SUMF1: variants seen among roughly 807,000 people sequenced by gnomAD.
SUMF1 encodes the protein sulfatase modifying factor 1, also known as formylglycine-generating enzyme.
In SUMF1, 48 loss-of-function variants were observed where a neutral mutation model predicts 47.6. That is an observed-to-expected ratio of 1.01 (90% CI 0.80 to 1.28). The LOEUF is 1.28. Ranked by LOEUF, SUMF1 falls within the 50% of genes most tolerant of loss-of-function variation. SUMF1 has a pLI of 0.00. For synonymous variants in SUMF1, 230 were observed against 192.1 expected, an observed-to-expected ratio of 1.20 and a Z score of -1.63; for missense variants, 571 against 485.4, an observed-to-expected ratio of 1.18 and a Z score of -1.66.
intron 8 of SUMF1, among the ~76,000 whole-genome samples, chr3:4,091,351 C>T (rs919030190): frequency 5.9e-5 from 9 of 152,158 alleles, no homozygotes; most frequent in Middle Eastern, 3.4e-3. Context: ...ATGATAGTGG[C>T]TCCATAAATA....
chr3:4,212,530 A>G (rs1695822522), intron 8 of SUMF1, among the ~76,000 whole-genome samples: 1 of 152,216 alleles, frequency 6.6e-6, no homozygotes, highest in Non-Finnish European at 1.5e-5. Flanking sequence ...CTACTCGCCA[A>G]CAAGGGAGCA....
chr3:4,034,983 C>T lies in SUMF1; in HGVS notation c.1191+33586G>A, dbSNP rs1694767376. Among the ~76,000 whole-genome samples, 3 of 151,678 alleles carry T rather than the reference C, an allele frequency of 2.0e-5. No individual in the cohort carries two copies. In the South Asian group the frequency reaches 6.3e-4, roughly 32 times the overall value. On this transcript the variant is annotated intron_variant and NMD_transcript_variant, in intron 9 of 12. Coordinates refer to the SUMF1 transcript ENST00000448413. ...AGGTCCAGACCAAGGTCAGCAAAGG[C>T]ACAAAAGCATGTCCAGGCCTATGCT...
At chr3:4,253,570 G>C (rs1417376911) in intron 8 of SUMF1, among the ~76,000 whole-genome samples, 1 of 146,904 alleles carries the variant, frequency 6.8e-6, no homozygotes, top group Non-Finnish European at 1.5e-5. Context: ...AAAAAACGGC[G>C]CACCATGAGA....
intron 8 of SUMF1, among the ~76,000 whole-genome samples, chr3:4,150,739 T>C (rs556238466): frequency 1.8e-4 from 27 of 151,680 alleles, no homozygotes; most frequent in Non-Finnish European, 3.1e-4. Context: ...TATGAAAAGA[T>C]GCACTGGGAA....
intron 8 of SUMF1, among the ~76,000 whole-genome samples, chr3:4,226,662 G>C (rs1696182149): frequency 6.6e-6 from 1 of 151,950 alleles, no homozygotes; most frequent in African/African-American, 2.4e-5. Flanking sequence ...TATTTTATAT[G>C]GAATTGGATG....
At chr3:4,121,572 T>C (rs1464630039) in intron 8 of SUMF1, among the ~76,000 whole-genome samples, 1 of 152,150 alleles carries the variant, frequency 6.6e-6, no homozygotes, top group Non-Finnish European at 1.5e-5. Context: ...TAGACATAAT[T>C]TGAAAAGTAA....
intron 7 of SUMF1, among the ~76,000 whole-genome samples, chr3:4,377,964 C>A (rs1358143184): frequency 1.3e-5 from 2 of 152,198 alleles, no homozygotes; most frequent in Non-Finnish European, 2.9e-5. Context: ...AAAAGAATCA[C>A]GTTTTCTCCA....
chr3:4,234,751 T>C (rs1696372780), intron 8 of SUMF1, among the ~76,000 whole-genome samples: 1 of 152,058 alleles, frequency 6.6e-6, no homozygotes, highest in Non-Finnish European at 1.5e-5. Flanking sequence ...GAGAATGGGC[T>C]ACCAGTTAAA....
At chr3:4,370,375 A>T (rs1272199035) in intron 8 of SUMF1, among the ~76,000 whole-genome samples, 1 of 152,232 alleles carries the variant, frequency 6.6e-6, no homozygotes, top group Non-Finnish European at 1.5e-5. Context: ...CAGCATCTGA[A>T]TGTGGATATA....
At chr3:4,145,170 G>C (rs1424990179) in intron 8 of SUMF1, among the ~76,000 whole-genome samples, 2 of 136,940 alleles carry the variant, frequency 1.5e-5, no homozygotes, top group Non-Finnish European at 3.0e-5. Context: ...TCTAGCCTGG[G>C]CAACAGAGTG....
chr3:4,338,460 G>T (rs17040389), intron 8 of SUMF1, among the ~76,000 whole-genome samples: 28,660 of 152,036 alleles, frequency 0.19, 2,868 homozygotes, highest in African/African-American at 0.25. Context: ...AGTTCTGGTT[G>T]AACCACCTTG....
chr3:4,238,878 GGT>G (rs1696473542), intron 8 of SUMF1, among the ~76,000 whole-genome samples: 1 of 152,160 alleles, frequency 6.6e-6, no homozygotes, highest in African/African-American at 2.4e-5. Context: ...GTATTGCCCA[GGT>G]TTTCTTCCAG....
chr3:4,346,166 G>C (rs1486952222), intron 8 of SUMF1, among the ~76,000 whole-genome samples: 2 of 152,112 alleles, frequency 1.3e-5, no homozygotes, highest in Admixed American at 6.6e-5. Context: ...CGCAGCTCTG[G>C]ATCAAGTGGA....
At chr3:4,389,019 C>T (rs931327324) in intron 7 of SUMF1, among the ~76,000 whole-genome samples, 3 of 152,120 alleles carry the variant, frequency 2.0e-5, no homozygotes, top group Non-Finnish European at 4.4e-5. Flanking sequence ...GAAGGAAAGC[C>T]TATTGTATAT....
intron 8 of SUMF1, among the ~76,000 whole-genome samples, chr3:4,115,399 C>G (rs1410649696): frequency 6.6e-6 from 1 of 152,244 alleles, no homozygotes; most frequent in Non-Finnish European, 1.5e-5. Flanking sequence ...GCCCTCTGCC[C>G]TTGCAATAAG....
At chr3:4,390,404 TTGG>T (rs1261645631) in intron 7 of SUMF1, among the ~76,000 whole-genome samples, 2 of 152,184 alleles carry the variant, frequency 1.3e-5, no homozygotes, top group Non-Finnish European at 1.5e-5. Context: ...AGTTTTTTCT[TTGG>T]TGTTTAGAAA....
At chr3:4,371,648 C>A (rs968316723) in intron 8 of SUMF1, among the ~76,000 whole-genome samples, 2 of 152,080 alleles carry the variant, frequency 1.3e-5, no homozygotes, top group African/African-American at 4.8e-5. Flanking sequence ...AGCTAAAGAC[C>A]CAGAGGGATT....
intron 3 of SUMF1, among the ~76,000 whole-genome samples, chr3:4,446,371 C>G (rs187209767): frequency 3.9e-5 from 6 of 152,314 alleles, no homozygotes; most frequent in Non-Finnish European, 7.4e-5. Flanking sequence ...CCACGTAAAA[C>G]GTGCATTTGT....
chr3:4,121,813 C>T (rs1018558235), intron 8 of SUMF1, among the ~76,000 whole-genome samples: 1 of 151,828 alleles, frequency 6.6e-6, no homozygotes, highest in Non-Finnish European at 1.5e-5. Context: ...ATTTCATCAC[C>T]CCAGTATTAA....
Sources: allele counts gnomAD v4.1 joint callset (sites outside exome capture counted in the v4.1 genomes callset), GRCh38; gene constraint gnomAD v4.1.1; transcripts MANE v1.5; gene names NCBI Gene and HGNC (gene_info 2026-07-23, HGNC 2026-07-21).